The following EPS8 variants were observed in gnomAD, a reference collection of about 807,000 sequenced individuals.
The protein encoded by EPS8 is epidermal growth factor receptor kinase substrate 8.
In EPS8, 42 loss-of-function variants were observed where a neutral mutation model predicts 103.8. The observed-to-expected ratio is 0.40, with a 90% CI of 0.32 to 0.52. The LOEUF (loss-of-function observed/expected upper bound fraction) is 0.52, where lower values mean the gene tolerates loss of function less well. Ranked by LOEUF, EPS8 falls within the 20% of genes least tolerant of loss-of-function variation. The pLI is 0.40. For synonymous variants in EPS8, 344 were observed against 344.6 expected, an observed-to-expected ratio of 1.00 and a Z score of 0.02; for missense variants, 969 against 1,005.1, an observed-to-expected ratio of 0.96 and a Z score of 0.49.
In EPS8 at chr12:15,789,084, A is replaced by G. The variant is rs1190714823; in HGVS notation, c.-22+77T>C. 6.6e-6 allele frequency: 1 copy of G among 152,158 alleles called. No individual in the cohort carries two copies. Among genetic ancestry groups the G allele is most frequent in the African/African-American group, 2.4e-5 (1 of 41,440 alleles). 9.4% of individuals were successfully genotyped at this position (152,158 alleles called of 1,614,324 possible). On this transcript the variant is annotated intron_variant, in intron 1 of 20. Transcript: ENST00000281172. The surrounding 1 kb of genome is among the most constrained non-coding windows in gnomAD (Gnocchi z 6.1). ...TGGCACCGCTCCGATTCCAGCACAC[A>G]AAGGCGGATTTTTAAAATCGAGAAA...
Position 15,776,294 on chromosome 12 carries a change from C to T in EPS8, c.-22+12867G>A, listed in dbSNP as rs941050918. Among the ~76,000 whole-genome samples the T allele has an allele frequency of 4.6e-5, 7 of 152,228 alleles. No individual in the cohort carries two copies. Among genetic ancestry groups the T allele is most frequent in the African/African-American group, 1.7e-4 (7 of 41,540 alleles). On this transcript the variant is annotated intron_variant, in intron 1 of 20. Transcript: ENST00000281172. The surrounding 1 kb of genome is among the most constrained non-coding windows in gnomAD (Gnocchi z 4.2). The stretch of plus-strand genomic sequence containing the variant: ...TTGGGGGGAAATAATACACTTCTGG[C>T]TGAACTAGTTTATCTAGCCTTAAAA...
intron 2 of EPS8, among the ~76,000 whole-genome samples, chr12:15,682,124 G>A (rs796127862): frequency 1.3e-5 from 2 of 152,264 alleles, no homozygotes; most frequent in African/African-American, 4.8e-5. Flanking sequence ...AACAGGCAGA[G>A]AATCAAGTGA....
intron 12 of EPS8, chr12:15,657,837 T>C: frequency 2.5e-6 from 1 of 406,930 alleles, no homozygotes; most frequent in Non-Finnish European, 4.4e-6. Context: ...TTTATTTCTT[T>C]TCATATCCCT....
At chr12:15,782,691 C>T (rs1348528536) in intron 1 of EPS8, among the ~76,000 whole-genome samples, 1 of 152,078 alleles carries the variant, frequency 6.6e-6, no homozygotes, top group Non-Finnish European at 1.5e-5. Context: ...TCAAAACTTA[C>T]ACACACACGA....
At chr12:15,744,880 T>G (rs927017517) in intron 1 of EPS8, among the ~76,000 whole-genome samples, 2 of 152,094 alleles carry the variant, frequency 1.3e-5, no homozygotes, top group African/African-American at 4.8e-5. Flanking sequence ...TTTTTATTAC[T>G]ATTATTTTTT....
intron 17 of EPS8, among the ~76,000 whole-genome samples, chr12:15,632,643 A>T (rs1322267511): frequency 6.6e-6 from 1 of 152,242 alleles, no homozygotes; most frequent in Non-Finnish European, 1.5e-5. Flanking sequence ...CCTTTTGGTA[A>T]TCTGGTCCTT....
rs556334659 is a variant in EPS8 at position 15,710,176 on chromosome 12, A to G, written c.-21-27204T>C. On this transcript the variant is annotated intron_variant, in intron 1 of 20. Transcript: ENST00000281172. ...GGTGAAATAAAGAAAAATTACTTGCATAATGAGGAAAGGCATTTTTTTAGA... is the reference window on the plus strand; with the variant it reads ...GGTGAAATAAAGAAAAATTACTTGCGTAATGAGGAAAGGCATTTTTTTAGA... Among the ~76,000 whole-genome samples the G allele has an allele frequency of 9.2e-5, 14 of 152,358 alleles. No homozygotes were observed. The South Asian group carries it at 2.7e-3, about 29-fold the overall frequency.
chr12:15,764,963 T>C lies in EPS8; in HGVS notation c.-22+24198A>G, dbSNP rs1947078247. Among the ~76,000 whole-genome samples, 1 of 152,232 alleles carries C rather than the reference T, an allele frequency of 6.6e-6. No individual in the cohort carries two copies. Among genetic ancestry groups the C allele is most frequent in the African/African-American group, 2.4e-5 (1 of 41,462 alleles). On this transcript the variant is annotated intron_variant, in intron 1 of 20. Transcript: ENST00000281172. The surrounding 1 kb of genome is among the most constrained non-coding windows in gnomAD (Gnocchi z 4.1). ...ATTAATCATTTTCCATTGAATTATT[T>C]TATATTGAAAGTCAGAATTTTTCTA...
chr12:15,769,817 G>GTATTGTT lies in EPS8; in HGVS notation c.-22+19343_-22+19344insAACAATA, dbSNP rs1947134392. Among the ~76,000 whole-genome samples the GTATTGTT allele has an allele frequency of 6.6e-6, 1 of 152,042 alleles. No homozygotes were observed. Among genetic ancestry groups the GTATTGTT allele is most frequent in the African/African-American group, 2.4e-5 (1 of 41,410 alleles). On this transcript the variant is annotated intron_variant, in intron 1 of 20. Coordinates refer to ENST00000281172, the MANE Select transcript of EPS8 (RefSeq NM_004447.6). The surrounding 1 kb of genome is among the most constrained non-coding windows in gnomAD (Gnocchi z 4.6). ...AAATTTCCTGAACTTTCTGACCAAA[G>GTATTGTT]TCATGTTTTATTATTTCTCAGATGT...
At chr12:15,705,160 C>T (rs1231624640) in intron 1 of EPS8, among the ~76,000 whole-genome samples, 2 of 152,192 alleles carry the variant, frequency 1.3e-5, no homozygotes, top group East Asian at 3.8e-4. Context: ...CATTATCTGG[C>T]AGGCACTTTT....
At position 15,767,036 on chromosome 12, in the gene EPS8, A is replaced by T. The variant is rs900582747; in HGVS notation, c.-22+22125T>A. ...GTTTAAATATATATATATGATGACA[A>T]TGATGATGGTGGTGGTGAGAATGAT... On this transcript the variant is annotated intron_variant, in intron 1 of 20. Transcript: ENST00000281172. This position sits in a 1 kb window ranked among gnomAD's most constrained non-coding sequence, Gnocchi z 5.5. 3.3e-5 allele frequency among the ~76,000 whole-genome samples: 5 copies of T among 152,196 alleles called. No individual in the cohort carries two copies. In the South Asian group the frequency reaches 1.0e-3, roughly 32 times the overall value.
At chr12:15,678,983 TA>T in intron 3 of EPS8, among the ~76,000 whole-genome samples, 1 of 152,034 alleles carries the variant, frequency 6.6e-6, no homozygotes, top group South Asian at 2.1e-4. Flanking sequence ...AAGTTGCTTC[TA>T]ATACAACATA....
chr12:15,639,383 A>G (rs1295986566), intron 17 of EPS8, among the ~76,000 whole-genome samples: 1 of 152,180 alleles, frequency 6.6e-6, no homozygotes, highest in Non-Finnish European at 1.5e-5. Flanking sequence ...AAAAACTAAG[A>G]AAATTCACTT....
chr12:15,684,855 T>C lies in EPS8; in HGVS notation c.-21-1883A>G, dbSNP rs1007351513. Among the ~76,000 whole-genome samples the C allele has an allele frequency of 6.6e-6, 1 of 152,246 alleles. No individual in the cohort carries two copies. The highest frequency in any genetic ancestry group is 6.5e-5 in the Admixed American group (1 of 15,284). ...GATCGGCCTCTGCCCTATACATGCA[T>C]GTACTTATAAAATTACATGTATATT... On this transcript the variant is annotated intron_variant, in intron 1 of 20. Coordinates refer to ENST00000281172, the MANE Select transcript of EPS8 (RefSeq NM_004447.6). The surrounding 1 kb of genome is among the most constrained non-coding windows in gnomAD (Gnocchi z 4.9).
rs147326176 is a variant in EPS8, at chr12:15,657,011, A to G, written c.1101+1068T>C. On this transcript the variant is annotated intron_variant, in intron 12 of 20. Coordinates refer to ENST00000281172, the MANE Select transcript of EPS8 (RefSeq NM_004447.6). ...AATGACCCTAGCTTTTTCTTCCCCA[A>G]AATTTCTAAACATTATAGCCAGGGC... 1.6e-3 allele frequency among the ~76,000 whole-genome samples: 243 copies of G among 152,170 alleles called. 1 individual carries two copies. The highest frequency in any genetic ancestry group is 5.4e-3 in the African/African-American group (226 of 41,528).
At chr12:15,742,630 C>T (rs1213019797) in intron 1 of EPS8, among the ~76,000 whole-genome samples, 1 of 152,110 alleles carries the variant, frequency 6.6e-6, no homozygotes, top group Non-Finnish European at 1.5e-5. Flanking sequence ...TAAATGTAAT[C>T]CAGCATTTAA....
chr12:15,692,218 T>C (rs1179200701), intron 1 of EPS8, among the ~76,000 whole-genome samples: 7 of 152,172 alleles, frequency 4.6e-5, no homozygotes, highest in South Asian at 2.1e-4. Flanking sequence ...ATTAGAAATG[T>C]ACATTTTTGA....
intron 14 of EPS8, among the ~76,000 whole-genome samples, 175 bp downstream of exon 14, chr12:15,650,648 T>G (rs994607736): frequency 6.6e-6 from 1 of 152,086 alleles, no homozygotes; most frequent in African/African-American, 2.4e-5. Flanking sequence ...ACAGAGCAAC[T>G]GTCACAAAAA....
At chr12:15,631,403 A>G (rs1207892598) in intron 18 of EPS8, 39 bp downstream of exon 18, 1 of 1,612,754 alleles carries the variant, frequency 6.2e-7, no homozygotes, top group East Asian at 2.2e-5. Context: ...AGTGCTTTTA[A>G]TTTGCAGAAG....
Sources: gnomAD v4.1 joint callset for allele counts (sites outside exome capture counted in the v4.1 genomes callset) on GRCh38, gnomAD v4.1.1 for gene constraint, Gnocchi (gnomAD v3.1) non-coding constraint, MANE v1.5 for transcripts, NCBI Gene and HGNC (gene_info 2026-07-23, HGNC 2026-07-21) for gene names.